Variants in ATXN7L2 observed in about 807,000 individuals in gnomAD.
The protein encoded by ATXN7L2 is ataxin-7-like protein 2.
A neutral mutation model predicts 59.6 loss-of-function variants in ATXN7L2; 17 were observed. That is an observed-to-expected ratio of 0.29 (90% CI 0.20 to 0.43). The LOEUF is 0.43. Ranked by LOEUF, ATXN7L2 falls within the 20% of genes least tolerant of loss-of-function variation. The pLI, the probability that ATXN7L2 is intolerant of heterozygous loss-of-function variation, is 1.00. For synonymous variants in ATXN7L2, 378 were observed against 392.5 expected (o/e 0.96, Z 0.44); for missense variants, 858 against 1,008.9 (o/e 0.85, Z 2.03).
At chr1:109,484,180 G>T (rs111528173) in intron 1 of ATXN7L2, 100 bp downstream of exon 1, 1 of 1,161,792 alleles carries the variant, frequency 8.6e-7, no homozygotes, top group East Asian at 3.5e-5. Context: ...TGGAGCCGCC[G>T]TCCGGCTCCC....
At position 109,486,936 on chromosome 1, in the gene ATXN7L2, A is replaced by G; in HGVS notation, c.299-71A>G. On this transcript the variant is annotated intron_variant, in intron 3 of 10. Coordinates refer to ENST00000683729, the MANE Select transcript of ATXN7L2 (RefSeq NM_001350175.2). This position sits in a 1 kb window ranked among gnomAD's most constrained non-coding sequence, Gnocchi z 4.3. Reference sequence around the variant, plus strand: ...CAGATTCTCTCATGTGAGTCTATGGACATGGTTAGGTTGGGGAAGGAAGTG... The same window carrying G: ...CAGATTCTCTCATGTGAGTCTATGGGCATGGTTAGGTTGGGGAAGGAAGTG... 1 of 1,324,738 alleles carries G rather than the reference A, an allele frequency of 7.5e-7. No individual in the cohort carries two copies. Among genetic ancestry groups the G allele is most frequent in the South Asian group, 1.5e-5 (1 of 66,478 alleles). 82.1% of individuals were successfully genotyped at this position (1,324,738 alleles called of 1,614,324 possible).
At position 109,487,706 on chromosome 1, in the gene ATXN7L2, T is replaced by C; in HGVS notation, c.698T>C (p.Ile233Thr). 1 of 1,613,354 alleles carries C rather than the reference T, an allele frequency of 6.2e-7. No individual in the cohort carries two copies. Among genetic ancestry groups the C allele is most frequent in the Non-Finnish European group, 8.5e-7 (1 of 1,179,734 alleles). Residue 233 changes from isoleucine to threonine, a missense_variant, in exon 5 of 11, where the codon ATC becomes ACC. By Grantham distance (89) the Ile-to-Thr change is moderately conservative. This residue lies in a region of ATXN7L2 where 734 missense variants were observed against 862.3 expected (regional missense o/e 0.85). Coordinates refer to ENST00000683729, the MANE Select transcript of ATXN7L2 (RefSeq NM_001350175.2). ...EPPGRENIEIIPSEGSSHWAE... is the reference protein window; with the variant it reads ...EPPGRENIEITPSEGSSHWAE... Reference sequence around the variant, plus strand: ...CCTGGCAGAGAGAACATCGAGATCATCCCCAGTGAGGGGTCCAGTCACTGG... The same window carrying C: ...CCTGGCAGAGAGAACATCGAGATCACCCCCAGTGAGGGGTCCAGTCACTGG...
In ATXN7L2 at chr1:109,491,327, G is replaced by T; in HGVS notation, c.1860G>T (p.Glu620Asp). The T allele has an allele frequency of 1.9e-6, 3 of 1,614,274 alleles. No homozygotes were observed. The South Asian group carries it at 3.3e-5, about 18-fold the overall frequency. ...CTCTTAAACGGACCTGCATCCTGGA[G>T]CCCACTGGAAAAGGGAAACCCTCTG... ...PTTLKRTCILEPTGKGKPSGC... is the reference protein window; with the variant it reads ...PTTLKRTCILDPTGKGKPSGC... Residue 620 changes from glutamate to aspartate, a missense_variant, in exon 10 of 11, where the codon GAG (glutamate) becomes GAT (aspartate). Physicochemically the swap from Glu to Asp is conservative, Grantham distance 45. Around this residue, in one of 3 missense-constraint regions of ATXN7L2, gnomAD observed 734 missense variants for 862.3 expected, o/e 0.85. Coordinates refer to ENST00000683729, the MANE Select transcript of ATXN7L2 (RefSeq NM_001350175.2). This position sits in a 1 kb window ranked among gnomAD's most constrained non-coding sequence, Gnocchi z 4.1.
At position 109,488,961 on chromosome 1, in the gene ATXN7L2, C is replaced by G. The variant is rs370697701; in HGVS notation, c.994C>G (p.Pro332Ala). The change falls in exon 7 of 11, where the codon CCA (proline) becomes GCA (alanine). Residue 332 changes from proline (P) to alanine (A), a missense_variant. Physicochemically the swap from Pro to Ala is conservative, Grantham distance 27. Coordinates refer to ENST00000683729, the MANE Select transcript of ATXN7L2 (RefSeq NM_001350175.2). The surrounding 1 kb of genome is among the most constrained non-coding windows in gnomAD (Gnocchi z 5.0). ...RKGESPKEKS[P>A]GRKEQVLERP... ...AGGGGAGTCTCCCAAGGAGAAGAGCCCAGGGCGCAAGGAGCAAGTTCTCGA... is the reference window on the plus strand; with the variant it reads ...AGGGGAGTCTCCCAAGGAGAAGAGCGCAGGGCGCAAGGAGCAAGTTCTCGA... 3 of 1,614,056 alleles carry G rather than the reference C, an allele frequency of 1.9e-6. No individual in the cohort carries two copies. The highest frequency in any genetic ancestry group is 2.5e-6 in the Non-Finnish European group (3 of 1,180,026).
At chr1:109,487,362 C>G in intron 4 of ATXN7L2, 145 bp downstream of exon 4, 2 of 1,155,964 alleles carry the variant, frequency 1.7e-6, no homozygotes, top group Non-Finnish European at 2.3e-6. Context: ...CCATATATTC[C>G]AGGGAAGATG....
chr1:109,491,479 C>A lies in ATXN7L2; in HGVS notation c.2012C>A (p.Pro671Gln), dbSNP rs1156537388. 1 of 1,614,026 alleles carries A rather than the reference C, an allele frequency of 6.2e-7. No individual in the cohort carries two copies. The highest frequency in any genetic ancestry group is 1.1e-5 in the South Asian group (1 of 91,088). ...GGCTCCCCTCATCAGCTCCCCACAC[C>A]AGTCAAGGCTTCTCAGCTGGAGAAC... ...CRGSPHQLPTPVKASQLENRG... is the reference protein window; with the variant it reads ...CRGSPHQLPTQVKASQLENRG... Residue 671 changes from proline (P) to glutamine (Q), a missense_variant, in exon 10 of 11, where the codon CCA becomes CAA. Around this residue, in one of 3 missense-constraint regions of ATXN7L2, gnomAD observed 734 missense variants for 862.3 expected, o/e 0.85. Coordinates refer to ENST00000683729, the MANE Select transcript of ATXN7L2 (RefSeq NM_001350175.2). This position sits in a 1 kb window ranked among gnomAD's most constrained non-coding sequence, Gnocchi z 4.1.
Position 109,487,613 on chromosome 1 carries a change from G to C in ATXN7L2, c.605G>C (p.Ser202Thr). Reference protein sequence around the residue: ...IRVAPPSAFLSQPGGLTKDSP... With the variant: ...IRVAPPSAFLTQPGGLTKDSP... ...GTGGCCCCACCCTCTGCTTTTCTCA[G>C]CCAGCCAGGGGGCCTCACCAAGGAC... Residue 202 changes from serine to threonine, a missense_variant, in exon 5 of 11, where the codon AGC becomes ACC. Ser to Thr is a moderately conservative substitution (Grantham distance 58). This residue lies in a region of ATXN7L2 where 734 missense variants were observed against 862.3 expected (regional missense o/e 0.85). Transcript: ENST00000683729. 1 of 1,586,600 alleles carries C rather than the reference G, an allele frequency of 6.3e-7. No homozygotes were observed. The highest frequency in any genetic ancestry group is 8.6e-7 in the Non-Finnish European group (1 of 1,167,072).
Position 109,491,471 on chromosome 1 carries a change from C to T in ATXN7L2, c.2004C>T (p.Leu668=). 6.2e-7 allele frequency: 1 copy of T among 1,613,982 alleles called. No homozygotes were observed. Among genetic ancestry groups the T allele is most frequent in the African/African-American group, 1.3e-5 (1 of 75,068 alleles). ...ACTGTCGTGGCTCCCCTCATCAGCT[C>T]CCCACACCAGTCAAGGCTTCTCAGC... is the stretch of plus-strand genomic sequence containing the variant. ...PLDCRGSPHQ[L]PTPVKASQLE... Residue 668 remains leucine, a synonymous_variant, in exon 10 of 11, where the codon CTC becomes CTT. Transcript: ENST00000683729. This position sits in a 1 kb window ranked among gnomAD's most constrained non-coding sequence, Gnocchi z 4.1.
chr1:109,484,129 C>G (rs1656388380), intron 1 of ATXN7L2, 49 bp downstream of exon 1: 2 of 1,380,956 alleles, frequency 1.4e-6, no homozygotes, highest in Non-Finnish European at 1.9e-6. Context: ...TATCTCCCCT[C>G]CCCCCTTCCG....
Position 109,492,585 on chromosome 1 carries a change from G to A in ATXN7L2, c.2251-1G>A. 6.2e-7 allele frequency: 1 copy of A among 1,613,866 alleles called. No homozygotes were observed. Reference sequence around the variant, plus strand: ...TTCTCTCGCCTCTTGTCTTCCTGCAGTCAAAAGCCCATTAACGAGAAAGTG... The same window carrying A: ...TTCTCTCGCCTCTTGTCTTCCTGCAATCAAAAGCCCATTAACGAGAAAGTG... On this transcript the variant is annotated splice_acceptor_variant, in intron 10 of 10. Coordinates refer to ENST00000683729, the MANE Select transcript of ATXN7L2 (RefSeq NM_001350175.2). LOFTEE classifies it high-confidence loss of function.
rs535741101 is a variant in ATXN7L2 at position 109,490,372 on chromosome 1, C to T, written c.1434C>T (p.His478=). ...CACTCAGCTCCATGCTGGAACGGCA[C>T]CTCAGCACACACATGTGGAAGTAAG... ...CSALSSMLER[H]LSTHMWKKIP... is the part of the protein sequence containing the mutation. The change falls in exon 9 of 11, where the codon CAC becomes CAT. Residue 478 remains histidine, a synonymous_variant. Coordinates refer to ENST00000683729, the MANE Select transcript of ATXN7L2 (RefSeq NM_001350175.2). The T allele has an allele frequency of 2.5e-5, 41 of 1,613,456 alleles. No individual in the cohort carries two copies. The Middle Eastern group carries it at 5.0e-4, about 19-fold the overall frequency.
intron 4 of ATXN7L2, 64 bp downstream of exon 4, chr1:109,487,281 C>A: frequency 7.2e-7 from 1 of 1,392,796 alleles, no homozygotes; most frequent in South Asian, 1.5e-5. Flanking sequence ...GGGCTGACAT[C>A]AATACAGACA....
At chr1:109,485,259 G>A (rs924158925) in intron 1 of ATXN7L2, 5 of 980,354 alleles carry the variant, frequency 5.1e-6, no homozygotes, top group Non-Finnish European at 4.8e-6. Flanking sequence ...GAGGAGGGAG[G>A]GGGGAGGAGA....
Position 109,486,610 on chromosome 1 carries a change from G to A in ATXN7L2, c.298G>A (p.Glu100Lys), listed in dbSNP as rs948944236. The A allele has an allele frequency of 1.2e-6, 2 of 1,612,274 alleles. No individual in the cohort carries two copies. The highest frequency in any genetic ancestry group is 1.7e-6 in the Non-Finnish European group (2 of 1,178,366). Residue 100 changes from glutamate (E) to lysine (K), a missense_variant and splice_region_variant, in exon 3 of 11, where the codon GAA becomes AAA. Around this residue, in one of 3 missense-constraint regions of ATXN7L2, gnomAD observed 29 missense variants for 64.0 expected, o/e 0.45. Coordinates refer to ENST00000683729, the MANE Select transcript of ATXN7L2 (RefSeq NM_001350175.2). This position sits in a 1 kb window ranked among gnomAD's most constrained non-coding sequence, Gnocchi z 4.3. Reference sequence around the variant, plus strand: ...GCCTCAAGCTTTCCAGAAGCACTGCGGTGAGGGGAGCCCTAGGGAGGAGAT... The same window carrying A: ...GCCTCAAGCTTTCCAGAAGCACTGCAGTGAGGGGAGCCCTAGGGAGGAGAT... ...VKPQAFQKHC[E>K]RRHGPLSKLY...
chr1:109,492,117 G>T, intron 10 of ATXN7L2: 5 of 1,058,028 alleles, frequency 4.7e-6, no homozygotes, highest in Non-Finnish European at 5.7e-6. Context: ...GGGTGGGCTG[G>T]TCTCACTGGT....
chr1:109,486,311 G>A lies in ATXN7L2; in HGVS notation c.193+189G>A. ...TTGGAGATCATAATCATAGGTGATT[G>A]CCCACTCACCTGAAAGCGTATACCC... On this transcript the variant is annotated intron_variant, in intron 2 of 10. Transcript: ENST00000683729. The surrounding 1 kb of genome is among the most constrained non-coding windows in gnomAD (Gnocchi z 4.3). The A allele has an allele frequency of 9.8e-7, 1 of 1,020,646 alleles. No individual in the cohort carries two copies. The highest frequency in any genetic ancestry group is 1.4e-6 in the Non-Finnish European group (1 of 722,424). The allele number at this position is 1,020,646 out of a possible 1,614,324, so 63.2% of individuals were successfully genotyped here.
chr1:109,489,237 T>G (rs1656834626), intron 7 of ATXN7L2, 137 bp downstream of exon 7: 15 of 1,198,262 alleles, frequency 1.3e-5, no homozygotes, highest in Non-Finnish European at 1.7e-5. Flanking sequence ...TTCCTGGGGC[T>G]CCTGACAGTG....
chr1:109,486,004 TG>T lies in ATXN7L2; in HGVS notation c.128-51del. ...AGAACAGTCTCTGGTAAGGAGAGGC[TG>T]GAGACTCTCTAAAACTGGCCCTGAC... On this transcript the variant is annotated intron_variant, in intron 1 of 10. Coordinates refer to ENST00000683729, the MANE Select transcript of ATXN7L2 (RefSeq NM_001350175.2). The surrounding 1 kb of genome is among the most constrained non-coding windows in gnomAD (Gnocchi z 4.3). 2 of 1,495,534 alleles carry T rather than the reference TG, an allele frequency of 1.3e-6. No homozygotes were observed. Among genetic ancestry groups the T allele is most frequent in the South Asian group, 1.4e-5 (1 of 71,464 alleles). The allele number at this position is 1,495,534 out of a possible 1,614,324, so 92.6% of individuals were successfully genotyped here. A position where few individuals can be genotyped will look rare whatever the true frequency, so the allele number is the denominator to read the frequency against.
chr1:109,491,378 T>G lies in ATXN7L2; in HGVS notation c.1911T>G (p.Thr637=). 6.2e-7 allele frequency: 1 copy of G among 1,614,200 alleles called. No homozygotes were observed. Among genetic ancestry groups the G allele is most frequent in the Non-Finnish European group, 8.5e-7 (1 of 1,180,030 alleles). The part of the protein sequence containing the change: ...PSGCRGLSAK[T]KTALSMGLNG... ...GCTGTAGGGGCCTCTCGGCCAAAAC[T>G]AAAACAGCCCTGAGCATGGGGCTTA... is the stretch of plus-strand genomic sequence containing the variant. The change falls in exon 10 of 11, where the codon ACT becomes ACG. Residue 637 remains threonine (T), a synonymous_variant. Transcript: ENST00000683729. This position sits in a 1 kb window ranked among gnomAD's most constrained non-coding sequence, Gnocchi z 4.1.
Sources: allele counts gnomAD v4.1 joint callset, GRCh38; gene constraint gnomAD v4.1.1; regional missense constraint gnomAD v4.1.1; non-coding constraint Gnocchi (gnomAD v3.1); transcripts MANE v1.5; gene names NCBI Gene and HGNC (gene_info 2026-07-23, HGNC 2026-07-21).